FAM53B: variants seen among roughly 807,000 people sequenced by gnomAD.
FAM53B encodes family with sequence similarity 53 member B.
Under a neutral mutation model 32.7 loss-of-function variants are expected in FAM53B, and 12 were observed. The ratio of observed to expected loss-of-function variants is 0.37; its 90% confidence interval spans 0.24 to 0.59. The LOEUF is 0.59. FAM53B is among the 20% of genes least tolerant of loss of function. The pLI is 0.72. For synonymous variants in FAM53B, 234 were observed against 228.7 expected (o/e 1.02, Z -0.21); for missense variants, 477 against 577.7 (o/e 0.83, Z 1.79).
At chr10:124,693,412 G>A (rs375913772) in intron 3 of FAM53B, among the ~76,000 whole-genome samples, 4 of 151,288 alleles carry the variant, frequency 2.6e-5, no homozygotes, top group Non-Finnish European at 4.4e-5. Context: ...GGACGTTGCC[G>A]TGGGCCAAGA....
At position 124,681,834 on chromosome 10, in the gene FAM53B, G is replaced by T; in HGVS notation, c.679C>A (p.Arg227=). 6.2e-7 allele frequency: 1 copy of T among 1,611,736 alleles called. No individual in the cohort carries two copies. The highest frequency in any genetic ancestry group is 8.5e-7 in the Non-Finnish European group (1 of 1,178,796). ...TGCTCATGTGAGCAAGAGAGGGACCGCTGCAGGTCCAGCCGGCCTCCTCCC... is the reference window on the plus strand; with the variant it reads ...TGCTCATGTGAGCAAGAGAGGGACCTCTGCAGGTCCAGCCGGCCTCCTCCC... ...PVGGGRLDLQ[R]SLSCSHEQFS... is the part of the protein sequence containing the mutation. The change falls in exon 4 of 5, where the codon CGG becomes AGG. Residue 227 remains arginine (R), a synonymous_variant. Coordinates refer to ENST00000337318, the MANE Select transcript of FAM53B (RefSeq NM_014661.4).
At chr10:124,742,352 C>G (rs1014869262) in intron 1 of FAM53B, 2 of 152,296 alleles carry the variant, frequency 1.3e-5, no homozygotes, top group Middle Eastern at 3.4e-3. Context: ...AAAACTGTAA[C>G]TGACACAAGT....
At chr10:124,679,542 G>A (rs1949755789) in intron 4 of FAM53B, among the ~76,000 whole-genome samples, 1 of 152,252 alleles carries the variant, frequency 6.6e-6, no homozygotes, top group Non-Finnish European at 1.5e-5. Flanking sequence ...CATGGAGAGA[G>A]GGCTGACCAG....
chr10:124,719,627 T>C (rs1288550875), intron 1 of FAM53B, among the ~76,000 whole-genome samples: 5 of 152,228 alleles, frequency 3.3e-5, no homozygotes, highest in Non-Finnish European at 5.9e-5. Context: ...GCTGCGGCTA[T>C]AGCTGTCACT....
At chr10:124,685,240 AT>A (rs1215692124) in intron 3 of FAM53B, among the ~76,000 whole-genome samples, 2 of 152,216 alleles carry the variant, frequency 1.3e-5, no homozygotes, top group East Asian at 3.8e-4. Context: ...TGGTTAATTT[AT>A]TTTTTCTCTT....
chr10:124,643,597 G>C (rs1348129903), intron 4 of FAM53B, among the ~76,000 whole-genome samples: 2 of 152,250 alleles, frequency 1.3e-5, no homozygotes, highest in African/African-American at 2.4e-5. Context: ...ATCTGAGCCT[G>C]TGGGCCTTTC....
chr10:124,634,574 G>A (rs925046540), intron 4 of FAM53B, among the ~76,000 whole-genome samples: 2 of 152,226 alleles, frequency 1.3e-5, no homozygotes, highest in African/African-American at 2.4e-5. Context: ...ATGTGAAGAA[G>A]GATGTGTTTG....
At chr10:124,650,061 A>G (rs1188179517) in intron 4 of FAM53B, among the ~76,000 whole-genome samples, 1 of 152,230 alleles carries the variant, frequency 6.6e-6, no homozygotes, top group Admixed American at 6.5e-5. Flanking sequence ...CTAACGTCAT[A>G]ACAAGACAAG....
chr10:124,739,771 G>A (rs551557010), intron 1 of FAM53B, among the ~76,000 whole-genome samples: 44 of 152,202 alleles, frequency 2.9e-4, no homozygotes, highest in African/African-American at 9.4e-4. Flanking sequence ...CCATTAAAGC[G>A]GGGGTGCCTG....
At chr10:124,703,893 A>C (rs1949932560) in intron 2 of FAM53B, 1 of 152,504 alleles carries the variant, frequency 6.6e-6, no homozygotes. Context: ...TCCCTTTCTG[A>C]GATGAGTTTT....
At chr10:124,650,056 G>A (rs926256070) in intron 4 of FAM53B, among the ~76,000 whole-genome samples, 8 of 152,174 alleles carry the variant, frequency 5.3e-5, no homozygotes, top group East Asian at 1.9e-4. Flanking sequence ...TAAAACTAAC[G>A]TCATAACAAG....
chr10:124,684,807 C>A (rs1949792713), intron 3 of FAM53B, among the ~76,000 whole-genome samples: 1 of 152,172 alleles, frequency 6.6e-6, no homozygotes, highest in Admixed American at 6.5e-5. Flanking sequence ...GCATGAGCCA[C>A]CGTGACCAGC....
rs776912365 is a variant in FAM53B, at chr10:124,662,687, A to C, written c.906+18920T>G. On this transcript the variant is annotated intron_variant, in intron 4 of 4. Coordinates refer to ENST00000337318, the MANE Select transcript of FAM53B (RefSeq NM_014661.4). Reference sequence around the variant, plus strand: ...AAAGACTTAAAAATTAGCCTGGCATACTGGCATGCATCTGTAGTCCCAGCT... The same window carrying C: ...AAAGACTTAAAAATTAGCCTGGCATCCTGGCATGCATCTGTAGTCCCAGCT... Among the ~76,000 whole-genome samples the C allele has an allele frequency of 5.9e-5, 9 of 152,294 alleles. No individual in the cohort carries two copies. In the South Asian group the frequency reaches 1.7e-3, roughly 28 times the overall value.
chr10:124,658,808 C>G (rs1156980580), intron 4 of FAM53B, among the ~76,000 whole-genome samples: 1 of 152,226 alleles, frequency 6.6e-6, no homozygotes. Flanking sequence ...TCCACCCATG[C>G]TCCCCGTGTC....
intron 1 of FAM53B, 64 bp from the exon 2 acceptor site, chr10:124,706,951 C>T: frequency 7.3e-7 from 1 of 1,363,160 alleles, no homozygotes. Context: ...CTGAGAGTCA[C>T]CCCTCCCACA....
At chr10:124,634,407 T>C (rs1949412848) in intron 4 of FAM53B, among the ~76,000 whole-genome samples, 1 of 152,224 alleles carries the variant, frequency 6.6e-6, no homozygotes, top group Non-Finnish European at 1.5e-5. Flanking sequence ...TCTTGAATTG[T>C]AGTTCCCATA....
Position 124,682,479 on chromosome 10 carries a change from T to TA in FAM53B, c.134-101dup. 1 of 1,104,374 alleles carries TA rather than the reference T, an allele frequency of 9.1e-7. No individual in the cohort carries two copies. The highest frequency in any genetic ancestry group is 1.3e-6 in the Non-Finnish European group (1 of 788,274). The allele number at this position is 1,104,374 out of a possible 1,614,324, so 68.4% of individuals were successfully genotyped here. A position where few individuals can be genotyped will look rare whatever the true frequency, so the allele number is the denominator to read the frequency against. On this transcript the variant is annotated intron_variant, in intron 3 of 4. Transcript: ENST00000337318. This position sits in a 1 kb window ranked among gnomAD's most constrained non-coding sequence, Gnocchi z 5.2. ...ACAGCCCGTTTCAAACACAGTATCTTAGAGCCAAAAGGCCCTTAGAAACCA... is the reference window on the plus strand; with the variant it reads ...ACAGCCCGTTTCAAACACAGTATCTTAAGAGCCAAAAGGCCCTTAGAAACCA...
intron 4 of FAM53B, among the ~76,000 whole-genome samples, chr10:124,650,420 T>C (rs1344023433): frequency 6.6e-6 from 1 of 152,202 alleles, no homozygotes; most frequent in East Asian, 1.9e-4. Flanking sequence ...CTTGTGACGC[T>C]GAAAGTAACG....
At position 124,651,335 on chromosome 10, in the gene FAM53B, G is replaced by A. The variant is rs1589738120; in HGVS notation, c.907-27731C>T. Among the ~76,000 whole-genome samples the A allele has an allele frequency of 6.6e-6, 1 of 152,362 alleles. No individual in the cohort carries two copies. The highest frequency in any genetic ancestry group is 1.9e-4 in the East Asian group (1 of 5,190). ...GCACCTTCCCAAAGGTGCAGAAGGA[G>A]GCTGGAGGGGTGCGGCTGAGCAGAG... On this transcript the variant is annotated intron_variant, in intron 4 of 4. Coordinates refer to ENST00000337318, the MANE Select transcript of FAM53B (RefSeq NM_014661.4). The surrounding 1 kb of genome is among the most constrained non-coding windows in gnomAD (Gnocchi z 5.2).
Sources: gnomAD v4.1 joint callset for allele counts (sites outside exome capture counted in the v4.1 genomes callset) on GRCh38, gnomAD v4.1.1 for gene constraint, Gnocchi (gnomAD v3.1) non-coding constraint, MANE v1.5 for transcripts, NCBI Gene and HGNC (gene_info 2026-07-23, HGNC 2026-07-21) for gene names.